LSP1: variants seen among roughly 807,000 people sequenced by gnomAD.
LSP1 encodes lymphocyte specific protein 1, also known as lymphocyte-specific protein 1.
A neutral mutation model predicts 49.3 loss-of-function variants in LSP1; 32 were observed. That is an observed-to-expected ratio of 0.65 (90% CI 0.49 to 0.87). The LOEUF is 0.87. LSP1 is among the 40% of genes least tolerant of loss of function. The pLI is 0.00. For synonymous variants in LSP1, 179 were observed against 178.8 expected (o/e 1.00, Z -0.01); for missense variants, 428 against 442.6 (o/e 0.97, Z 0.30).
At chr11:1,890,232 G>T (rs1478322862) in intron 10 of LSP1, 2 of 716,488 alleles carry the variant, frequency 2.8e-6, no homozygotes, top group Admixed American at 4.0e-5. Flanking sequence ...GTGGATGATG[G>T]GGGTGTGCGG....
In LSP1 at chr11:1,889,430, G is replaced by C. The variant is rs577608842; in HGVS notation, c.*13+1854G>C. 1.0e-5 allele frequency: 7 copies of C among 668,200 alleles called. No individual in the cohort carries two copies. In the African/African-American group the frequency reaches 1.3e-4, roughly 12 times the overall value. The allele number at this position is 668,200 out of a possible 1,614,324, so 41.4% of individuals were successfully genotyped here. A position where few individuals can be genotyped will look rare whatever the true frequency, so the allele number is the denominator to read the frequency against. On this transcript the variant is annotated intron_variant, in intron 10 of 10. Coordinates refer to ENST00000311604, the MANE Select transcript of LSP1 (RefSeq NM_002339.3). ...CGGGGGCCCGGGGTGCGGTGAGGGC[G>C]GGCACCTCCTGCTCTGTGGGGGCAG...
intron 1 of LSP1, chr11:1,869,085 A>G (rs1225603907): frequency 4.6e-6 from 4 of 872,620 alleles, no homozygotes; most frequent in Admixed American, 1.2e-4. Flanking sequence ...TGACCCCTGG[A>G]TGGGGCGGGG....
intron 1 of LSP1, chr11:1,865,225 G>A (rs1051338896): frequency 1.0e-6 from 1 of 985,528 alleles, no homozygotes; most frequent in South Asian, 4.7e-5. Context: ...GGCTTCTGAG[G>A]AGGAACTCTA....
intron 1 of LSP1, among the ~76,000 whole-genome samples, chr11:1,860,478 T>C (rs1212422391): frequency 3.9e-5 from 6 of 152,034 alleles, no homozygotes; most frequent in African/African-American, 9.7e-5. Flanking sequence ...AATTGATGAA[T>C]GGATGAACAA....
chr11:1,866,447 CTTG>C (rs986457530), intron 1 of LSP1: 1 of 1,454,666 alleles, frequency 6.9e-7, no homozygotes, highest in African/African-American at 1.4e-5. Context: ...CCAGCTCCCA[CTTG>C]TTGGGTCCGT....
At chr11:1,876,328 G>A (rs1361335118) in intron 1 of LSP1, 3 of 359,812 alleles carry the variant, frequency 8.3e-6, no homozygotes, top group Non-Finnish European at 1.2e-5. Flanking sequence ...TGCTGTGCAG[G>A]GAGCCCCGAA....
chr11:1,877,908 C>T (rs77054545), intron 1 of LSP1, among the ~76,000 whole-genome samples: 157 of 152,196 alleles, frequency 1.0e-3, no homozygotes, highest in East Asian at 3.5e-3. Flanking sequence ...TGTTGGGGCC[C>T]GGACTGCTTG....
chr11:1,890,318 G>A (rs1300013545), intron 10 of LSP1: 29 of 711,728 alleles, frequency 4.1e-5, no homozygotes, highest in East Asian at 1.1e-4. Flanking sequence ...GGGCTTCGGC[G>A]GGGTGCGGGC....
In LSP1 at chr11:1,883,424, G is replaced by T; in HGVS notation, c.362G>T (p.Gly121Val). ...SPEGEQEDRP[G>V]LHAYEKEDSD... ...GCCTCCCTTTCCACCCACAGGCCCGGCCTGCATGCCTACGAAAAGGAGGAC... is the reference window on the plus strand; with the variant it reads ...GCCTCCCTTTCCACCCACAGGCCCGTCCTGCATGCCTACGAAAAGGAGGAC... Residue 121 changes from glycine (G) to valine (V), a missense_variant, in exon 4 of 11, where the codon GGC becomes GTC. By Grantham distance (109) the Gly-to-Val change is moderately radical (BLOSUM62 -3). Transcript: ENST00000311604. 1.9e-6 allele frequency: 3 copies of T among 1,614,038 alleles called. No homozygotes were observed. Among genetic ancestry groups the T allele is most frequent in the Non-Finnish European group, 2.5e-6 (3 of 1,179,982 alleles).
At chr11:1,881,897 G>T (rs1848563752) in intron 3 of LSP1, among the ~76,000 whole-genome samples, 1 of 152,136 alleles carries the variant, frequency 6.6e-6, no homozygotes, top group Non-Finnish European at 1.5e-5. Context: ...CCTCATTCTG[G>T]GGCTCCCCAG....
chr11:1,853,231 C>A, intron 1 of LSP1, 34 bp downstream of exon 1: 2 of 1,597,394 alleles, frequency 1.3e-6, no homozygotes, highest in Non-Finnish European at 1.7e-6. Context: ...GCGCCCTGTG[C>A]CGTGTCCACG....
chr11:1,865,662 C>T (rs1342841129), intron 1 of LSP1, among the ~76,000 whole-genome samples: 3 of 149,952 alleles, frequency 2.0e-5, no homozygotes, highest in Admixed American at 6.7e-5. Flanking sequence ...CCGCTCACGC[C>T]GTCCCACCTG....
chr11:1,880,651 C>T (rs535667166), intron 2 of LSP1: 1 of 166,240 alleles, frequency 6.0e-6, no homozygotes, highest in South Asian at 1.8e-4. Context: ...ATAATGCTTC[C>T]CTTCCTTCTG....
chr11:1,873,078 G>C (rs957289217), intron 1 of LSP1, among the ~76,000 whole-genome samples: 3 of 151,774 alleles, frequency 2.0e-5, no homozygotes, highest in Non-Finnish European at 4.4e-5. Context: ...GGCAGGGAGA[G>C]ATGGAGGCAG....
chr11:1,858,205 G>C (rs930600270), intron 1 of LSP1, among the ~76,000 whole-genome samples: 1 of 152,198 alleles, frequency 6.6e-6, no homozygotes, highest in Non-Finnish European at 1.5e-5. Context: ...GGAGGGGCCT[G>C]AGTCCTTGCC....
chr11:1,864,044 G>C (rs529871243), intron 1 of LSP1: 120 of 278,006 alleles, frequency 4.3e-4, no homozygotes, highest in Non-Finnish European at 5.8e-4. Flanking sequence ...AACCAGGAGC[G>C]GGGGAGAGGG....
At chr11:1,855,601 G>A (rs987016440) in intron 1 of LSP1, among the ~76,000 whole-genome samples, 2 of 152,156 alleles carry the variant, frequency 1.3e-5, no homozygotes, top group African/African-American at 4.8e-5. Context: ...CCTCTCCCAC[G>A]AGGCCTCAGG....
intron 1 of LSP1, among the ~76,000 whole-genome samples, chr11:1,867,617 AC>A (rs1362833909): frequency 6.6e-6 from 1 of 151,238 alleles, no homozygotes; most frequent in Non-Finnish European, 1.5e-5. Context: ...GCATCACCCC[AC>A]CCCTTTCCCG....
Position 1,884,436 on chromosome 11 carries a change from G to C in LSP1, c.636-64G>C. 6.2e-7 allele frequency: 1 copy of C among 1,603,470 alleles called. No homozygotes were observed. The highest frequency in any genetic ancestry group is 1.1e-5 in the South Asian group (1 of 90,902). On this transcript the variant is annotated intron_variant, in intron 6 of 10. Transcript: ENST00000311604. This position sits in a 1 kb window ranked among gnomAD's most constrained non-coding sequence, Gnocchi z 4.1. ...GAGACCGAGGGGGGCTCTGGGAGAG[G>C]CTTGGGCAGGTTGGGAGAAGCCTTG... is the stretch of plus-strand genomic sequence containing the variant.
Sources: allele counts gnomAD v4.1 joint callset (sites outside exome capture counted in the v4.1 genomes callset), GRCh38; gene constraint gnomAD v4.1.1; non-coding constraint Gnocchi (gnomAD v3.1); transcripts MANE v1.5; gene names NCBI Gene and HGNC (gene_info 2026-07-23, HGNC 2026-07-21).